Variants in ABCB1 observed in about 807,000 individuals in gnomAD.
ABCB1 encodes the protein ATP binding cassette subfamily B member 1, also known as ATP-dependent translocase ABCB1.
Under a neutral mutation model 142.0 loss-of-function variants are expected in ABCB1, and 69 were observed. That is an observed-to-expected ratio of 0.49 (90% confidence interval 0.40 to 0.59). The LOEUF (loss-of-function observed/expected upper bound fraction) is 0.59, where lower values mean the gene tolerates loss of function less well. ABCB1 is among the 20% of genes least tolerant of loss of function. The pLI is 0.00. For missense variants in ABCB1, 1,326 were observed against 1,554.7 expected, an observed-to-expected ratio of 0.85 and a Z score of 2.47; for synonymous variants, 532 against 539.2, an observed-to-expected ratio of 0.99 and a Z score of 0.18.
At chr7:87,577,091 G>C (rs1238850651) in intron 4 of ABCB1, among the ~76,000 whole-genome samples, 1 of 151,792 alleles carries the variant, frequency 6.6e-6, no homozygotes, top group Non-Finnish European at 1.5e-5. Context: ...CCGGCCTCTG[G>C]TAAATGTCAT....
chr7:87,702,700 A>G (rs1829203532), intron 1 of ABCB1, among the ~76,000 whole-genome samples: 2 of 152,192 alleles, frequency 1.3e-5, no homozygotes, highest in South Asian at 2.1e-4. Context: ...GGATTATAAA[A>G]TGTCTGAACT....
At chr7:87,628,631 CG>C (rs1175409000) in intron 1 of ABCB1, 17 of 364,152 alleles carry the variant, frequency 4.7e-5, no homozygotes, top group Admixed American at 1.4e-4. Flanking sequence ...GTGTGGAGCT[CG>C]GGTGCCAAGG....
Position 87,626,385 on chromosome 7 carries a change from CATATATATGTGTCATATGTATGTGTCAT to C in ABCB1, c.-330-25335_-330-25308del, listed in dbSNP as rs1820540284. Among the ~76,000 whole-genome samples, 4 of 22,734 alleles carry C rather than the reference CATATATATGTGTCATATGTATGTGTCAT, an allele frequency of 1.8e-4. 2 individuals are homozygous for C. The highest frequency in any genetic ancestry group is 2.4e-4 in the Non-Finnish European group (4 of 16,540). The allele number at this position is 22,734 out of a possible 152,430, so 14.9% of individuals were successfully genotyped here. ...ATATATATGTGTCATATGTATGTGTCATATATATGTGTCATATGTATGTGTCATATATATGTGTCATATGTATGTGTCA... is the reference window on the plus strand; with the variant it reads ...ATATATATGTGTCATATGTATGTGTCATATATGTGTCATATGTATGTGTCA... On this transcript the variant is annotated intron_variant, in intron 1 of 28. Coordinates refer to the ABCB1 transcript ENST00000265724.
intron 1 of ABCB1, among the ~76,000 whole-genome samples, chr7:87,664,281 G>T (rs1330487795): frequency 1.3e-5 from 2 of 152,066 alleles, no homozygotes; most frequent in Admixed American, 1.3e-4. Context: ...CACTATTATT[G>T]TACCTGGAGA....
At position 87,643,341 on chromosome 7, in the gene ABCB1, A is replaced by G. The variant is rs558484995; in HGVS notation, c.-330-42263T>C. 2.6e-5 allele frequency among the ~76,000 whole-genome samples: 4 copies of G among 152,330 alleles called. No homozygotes were observed. In the South Asian group the frequency reaches 8.3e-4, roughly 32 times the overall value. On this transcript the variant is annotated intron_variant, in intron 1 of 28. Transcript: ENST00000265724. The stretch of plus-strand genomic sequence containing the variant: ...GATGGTTGGGACTTTTTTTGGTTCC[A>G]ATAAAAGTTTATTTACAAAAACATT...
chr7:87,506,880 G>C (rs967988692), intron 26 of ABCB1, among the ~76,000 whole-genome samples: 1 of 152,196 alleles, frequency 6.6e-6, no homozygotes, highest in African/African-American at 2.4e-5. Context: ...CCTGTAAATA[G>C]AGGGAGAAGA....
chr7:87,710,607 A>G (rs1829990071), intron 1 of ABCB1: 4 of 1,604,098 alleles, frequency 2.5e-6, no homozygotes, highest in Non-Finnish European at 2.6e-6. Context: ...ATGGAAAAAC[A>G]TTTATCTGAA....
chr7:87,571,836 G>C (rs1163958755), intron 4 of ABCB1, among the ~76,000 whole-genome samples: 2 of 152,158 alleles, frequency 1.3e-5, no homozygotes, highest in Non-Finnish European at 2.9e-5. Flanking sequence ...AGAGGCCATA[G>C]CTAAATCCAT....
At chr7:87,565,510 T>A (rs774489359) in intron 7 of ABCB1, 1 of 450,594 alleles carries the variant, frequency 2.2e-6, no homozygotes, top group East Asian at 7.0e-5. Flanking sequence ...TATGCATCCT[T>A]AGGGACTAGA....
intron 9 of ABCB1, among the ~76,000 whole-genome samples, chr7:87,552,011 C>T (rs1043305558): frequency 5.9e-5 from 9 of 152,128 alleles, no homozygotes; most frequent in East Asian, 1.9e-4. Context: ...AGGCAAGATT[C>T]TATCTGTTCT....
At chr7:87,585,848 T>C (rs1584902775) in intron 3 of ABCB1, among the ~76,000 whole-genome samples, 168 bp from the exon 4 acceptor site, 1 of 152,324 alleles carries the variant, frequency 6.6e-6, no homozygotes, top group East Asian at 1.9e-4. Context: ...AATAGTCTAA[T>C]TAGAAATGGA....
intron 3 of ABCB1, among the ~76,000 whole-genome samples, chr7:87,591,299 C>T (rs987152645): frequency 6.6e-6 from 1 of 152,126 alleles, no homozygotes; most frequent in Non-Finnish European, 1.5e-5. Flanking sequence ...AGTAAAACTT[C>T]GATTCCAGAA....
At chr7:87,514,527 A>G (rs923544419) in intron 25 of ABCB1, among the ~76,000 whole-genome samples, 2 of 152,094 alleles carry the variant, frequency 1.3e-5, no homozygotes, top group Non-Finnish European at 2.9e-5. Context: ...ATGATGTTTC[A>G]ATGCCCTCTC....
intron 1 of ABCB1, among the ~76,000 whole-genome samples, chr7:87,620,246 C>G (rs1032133218): frequency 9.9e-5 from 15 of 152,134 alleles, no homozygotes; most frequent in Admixed American, 9.2e-4. Flanking sequence ...CTGCAACCTC[C>G]ACCTTGCGGG....
intron 1 of ABCB1, among the ~76,000 whole-genome samples, chr7:87,619,093 A>G (rs146897868): frequency 6.6e-6 from 1 of 152,342 alleles, no homozygotes; most frequent in East Asian, 1.9e-4. Flanking sequence ...CAGCTAATAA[A>G]TGGGTGTTTT....
intron 1 of ABCB1, among the ~76,000 whole-genome samples, chr7:87,651,854 T>C (rs1823604922): frequency 6.6e-6 from 1 of 152,140 alleles, no homozygotes; most frequent in Non-Finnish European, 1.5e-5. Context: ...AGAAAAAATA[T>C]GAATTCATTT....
At chr7:87,581,043 TG>T (rs370257248) in intron 4 of ABCB1, among the ~76,000 whole-genome samples, 262 of 151,908 alleles carry the variant, frequency 1.7e-3, no homozygotes, top group African/African-American at 6.2e-3. Flanking sequence ...CCTGTAGGGA[TG>T]GGGGAGGGGG....
chr7:87,525,775 AG>A (rs1163316765), intron 21 of ABCB1, among the ~76,000 whole-genome samples: 1 of 152,018 alleles, frequency 6.6e-6, no homozygotes, highest in African/African-American at 2.4e-5. Flanking sequence ...AGGAAGTGGA[AG>A]GGGAGGCGGG....
chr7:87,550,532 T>C lies in ABCB1; in HGVS notation c.1160A>G (p.Asn387Ser). 1 of 1,613,582 alleles carries C rather than the reference T, an allele frequency of 6.2e-7. No homozygotes were observed. Among genetic ancestry groups the C allele is most frequent in the Non-Finnish European group, 8.5e-7 (1 of 1,180,004 alleles). Residue 387 changes from asparagine (N) to serine (S), a missense_variant, in exon 11 of 28, where the codon AAT becomes AGT. Transcript: ENST00000622132. The stretch of plus-strand genomic sequence containing the variant: ...TCTGAATTCCAAATTTCCCTTAATA[T>C]TATCTGGTTTGTGCCCACTCTTCGA... ...SYSKSGHKPDNIKGNLEFRNV... is the reference protein window; with the variant it reads ...SYSKSGHKPDSIKGNLEFRNV...
Sources: allele counts gnomAD v4.1 joint callset (sites outside exome capture counted in the v4.1 genomes callset), GRCh38; gene constraint gnomAD v4.1.1; transcripts MANE v1.5; gene names NCBI Gene and HGNC (gene_info 2026-07-23, HGNC 2026-07-21).